POLE: variants seen among roughly 807,000 people sequenced by gnomAD.
POLE encodes DNA polymerase epsilon catalytic subunit A.
In POLE, 188 loss-of-function variants were observed where a neutral mutation model predicts 279.2. The observed-to-expected ratio is 0.67, with a 90% CI of 0.60 to 0.76. The LOEUF (loss-of-function observed/expected upper bound fraction) is 0.76. Among genes scored for constraint, POLE ranks in the 30% least tolerant of loss-of-function variants. The probability of loss-of-function intolerance (pLI) is 0.00; values close to 1 mark genes in which losing one functional copy is unlikely to be tolerated. For synonymous variants in POLE, 1,214 were observed against 1,172.5 expected (o/e 1.04, Z -0.72); for missense variants, 2,703 against 3,016.7 (o/e 0.90, Z 2.44).
Position 132,643,391 on chromosome 12 carries a change from C to A in POLE, c.4444+16G>T. On this transcript the variant is annotated intron_variant, in intron 34 of 48. Coordinates refer to ENST00000320574, the MANE Select transcript of POLE (RefSeq NM_006231.4). ...TGGGAGGCAGGCACATGATGGGCGG[C>A]TGGTGCAGGCCATACCTGGTTCCAG... 3 of 1,614,212 alleles carry A rather than the reference C, an allele frequency of 1.9e-6. No homozygotes were observed. The highest frequency in any genetic ancestry group is 2.5e-6 in the Non-Finnish European group (3 of 1,180,032).
intron 1 of POLE, among the ~76,000 whole-genome samples, chr12:132,682,030 C>A (rs1052766243): frequency 2.4e-4 from 36 of 152,136 alleles, no homozygotes; most frequent in African/African-American, 8.7e-4. Context: ...ACTAAAAATA[C>A]AAAAAATTAA....
intron 8 of POLE, 49 bp from the exon 9 acceptor site, chr12:132,676,702 G>A (rs1246159006): frequency 7.5e-6 from 9 of 1,198,244 alleles, no homozygotes; most frequent in Non-Finnish European, 1.1e-5. Flanking sequence ...TCCCCATTAG[G>A]CCTCCCTGAA....
At chr12:132,658,666 TAAGGAGACCTA>T (rs955898439) in intron 26 of POLE, 5 of 154,174 alleles carry the variant, frequency 3.2e-5, no homozygotes, top group African/African-American at 1.2e-4. Context: ...ACTGCAAACA[TAAGGAGACCTA>T]AAGAAGACAC....
At position 132,679,598 on chromosome 12, in the gene POLE, A is replaced by G. The variant is rs377652373; in HGVS notation, c.477T>C (p.Thr159=). ...TCCTCACTTTGACAAGATCCTCCAC[A>G]GTGTGGAAGGACAGCCTGATGTAAT... ...KRNYIRLSFH[T]VEDLVKVRKE... Residue 159 remains threonine, a synonymous_variant, in exon 6 of 49, where the codon ACT becomes ACC. Transcript: ENST00000320574. 3.1e-6 allele frequency: 5 copies of G among 1,614,022 alleles called. No individual in the cohort carries two copies. In the African/African-American group the frequency reaches 5.3e-5, roughly 17 times the overall value.
In POLE at chr12:132,632,714, C is replaced by A; in HGVS notation, c.6086G>T (p.Gly2029Val). The change falls in exon 44 of 49, where the codon GGG (glycine) becomes GTG (valine). Residue 2029 changes from glycine to valine, a missense_variant. By Grantham distance (109) the Gly-to-Val change is moderately radical. This residue lies in a region of POLE where 1,551 missense variants were observed against 1,686.1 expected (regional missense o/e 0.92). Transcript: ENST00000320574. ...GGCCTCCTGGGAGAGCTGGCTGGCC[C>A]CCCTCCTCCTCACGGGGGTGCTCCC... ...APGSTPVRRR[G>V]ASQLSQEAEG... The A allele has an allele frequency of 6.2e-7, 1 of 1,613,906 alleles. No homozygotes were observed. The highest frequency in any genetic ancestry group is 8.5e-7 in the Non-Finnish European group (1 of 1,179,986).
At chr12:132,681,636 G>A (rs180827854) in intron 1 of POLE, among the ~76,000 whole-genome samples, 2 of 152,184 alleles carry the variant, frequency 1.3e-5, no homozygotes, top group East Asian at 1.9e-4. Flanking sequence ...TAAGTGTTTC[G>A]GATATGACAG....
chr12:132,683,453 G>C (rs1367735185), intron 1 of POLE, among the ~76,000 whole-genome samples: 1 of 152,160 alleles, frequency 6.6e-6, no homozygotes, highest in African/African-American at 2.4e-5. Flanking sequence ...TACGACTTCT[G>C]ACTTCTAAAA....
intron 45 of POLE, among the ~76,000 whole-genome samples, chr12:132,627,040 G>A (rs541690033): frequency 6.6e-6 from 1 of 152,210 alleles, no homozygotes; most frequent in Non-Finnish European, 1.5e-5. Context: ...CAGCACTTTG[G>A]TAGGCCAAGG....
chr12:132,649,239 C>T, intron 31 of POLE, 67 bp downstream of exon 31: 1 of 1,561,818 alleles, frequency 6.4e-7, no homozygotes, highest in Admixed American at 1.7e-5. Flanking sequence ...CCTCAGGGCC[C>T]AGCTGGACAC....
At chr12:132,627,239 A>G (rs570237269) in intron 45 of POLE, among the ~76,000 whole-genome samples, 129 of 151,820 alleles carry the variant, frequency 8.5e-4, no homozygotes, top group Non-Finnish European at 1.8e-3. Context: ...CCAAGATTGC[A>G]CCACTGCACT....
rs1057519257 is a variant in POLE at position 132,638,134 on chromosome 12, A to G, written c.5558T>C (p.Ile1853Thr). 6.2e-7 allele frequency: 1 copy of G among 1,613,762 alleles called. No individual in the cohort carries two copies. Among genetic ancestry groups the G allele is most frequent in the Non-Finnish European group, 8.5e-7 (1 of 1,179,852 alleles). ...NMMKKLFLQL[I>T]AEFKRLGSSV... is the part of the protein sequence containing the mutation. ...TGACCCCAGGCGCTTGAACTCAGCG[A>G]TGAGCCTGTGGAGCAAGTTGAGAGT... Residue 1853 changes from isoleucine to threonine, a missense_variant, in exon 41 of 49, where the codon ATC becomes ACC. Physicochemically the swap from Ile to Thr is moderately conservative, Grantham distance 89 (BLOSUM62 -1). Transcript: ENST00000320574.
intron 29 of POLE, among the ~76,000 whole-genome samples, chr12:132,653,620 C>T (rs780028240): frequency 2.8e-4 from 42 of 152,192 alleles, no homozygotes; most frequent in Non-Finnish European, 4.9e-4. Context: ...ATTACATCGC[C>T]TGTAAATAAT....
intron 39 of POLE, among the ~76,000 whole-genome samples, chr12:132,640,486 C>T (rs892184745): frequency 2.0e-5 from 3 of 152,252 alleles, no homozygotes; most frequent in African/African-American, 7.2e-5. Context: ...ACAAGTTTCC[C>T]GTTCCGGGGG....
At chr12:132,673,784 G>A in intron 12 of POLE, 77 bp from the exon 13 acceptor site, 1 of 1,560,284 alleles carries the variant, frequency 6.4e-7, no homozygotes, top group Non-Finnish European at 8.7e-7. Context: ...GGCAAAACTG[G>A]GCACCACACA....
chr12:132,634,082 G>T lies in POLE; in HGVS notation c.6004+104C>A. 9.1e-7 allele frequency: 1 copy of T among 1,092,944 alleles called. No individual in the cohort carries two copies. The highest frequency in any genetic ancestry group is 1.3e-6 in the Non-Finnish European group (1 of 748,834). 67.7% of individuals were successfully genotyped at this position (1,092,944 alleles called of 1,614,324 possible). A position where few individuals can be genotyped will look rare whatever the true frequency, so the allele number is the denominator to read the frequency against. On this transcript the variant is annotated intron_variant, in intron 43 of 48. Transcript: ENST00000320574. The surrounding 1 kb of genome is among the most constrained non-coding windows in gnomAD (Gnocchi z 4.0). ...CTGCTGGGCAGGCTCCGCCCGATCT[G>T]ATTTTCCCTGTCTCCCTTCTTGCGA... is the stretch of plus-strand genomic sequence containing the variant.
chr12:132,672,426 G>A (rs1309907066), intron 15 of POLE, 104 bp from the exon 16 acceptor site: 3 of 1,143,510 alleles, frequency 2.6e-6, no homozygotes, highest in Admixed American at 3.5e-5. Context: ...GCCCGAGAAA[G>A]CTCCGGAAGG....
intron 23 of POLE, among the ~76,000 whole-genome samples, chr12:132,662,078 C>G (rs2042694341): frequency 6.6e-6 from 1 of 152,192 alleles, no homozygotes; most frequent in African/African-American, 2.4e-5. Context: ...CTTGTCCAAA[C>G]CCACAGGGCT....
In POLE at chr12:132,624,653, G is replaced by A. The variant is rs113095243; in HGVS notation, c.*44C>T. On this transcript the variant is annotated 3_prime_UTR_variant, in exon 49 of 49. Transcript: ENST00000320574. ...GCACGGGGATGTGGCCTTGGCATCA[G>A]GAGGCCTGGCACGGACGCAGAGGCA... 9 of 1,104,030 alleles carry A rather than the reference G, an allele frequency of 8.2e-6. No individual in the cohort carries two copies. Among genetic ancestry groups the A allele is most frequent in the Non-Finnish European group, 1.3e-5 (9 of 715,830 alleles). The allele number at this position is 1,104,030 out of a possible 1,614,324, so 68.4% of individuals were successfully genotyped here. A position where few individuals can be genotyped will look rare whatever the true frequency, so the allele number is the denominator to read the frequency against.
chr12:132,643,252 C>G lies in POLE; in HGVS notation c.4523G>C (p.Arg1508Pro). The G allele has an allele frequency of 6.2e-7, 1 of 1,613,786 alleles. No homozygotes were observed. The highest frequency in any genetic ancestry group is 8.5e-7 in the Non-Finnish European group (1 of 1,180,008). ...ALFGIFIPSQ[R>P]RASVFVLDTV... ...GTCCAGCACAAAGACGGATGCCCTG[C>G]GCTGTGAGGGGATGAAGATCCCGAA... is the stretch of plus-strand genomic sequence containing the variant. The change falls in exon 35 of 49, where the codon CGC (arginine) becomes CCC (proline). Residue 1508 changes from arginine (R) to proline (P), a missense_variant. By Grantham distance (103) the Arg-to-Pro change is moderately radical. This residue lies in a region of POLE where 1,551 missense variants were observed against 1,686.1 expected (regional missense o/e 0.92). Transcript: ENST00000320574.
Sources: gnomAD v4.1 joint callset for allele counts (sites outside exome capture counted in the v4.1 genomes callset) on GRCh38, gnomAD v4.1.1 for gene constraint, gnomAD v4.1.1 regional missense constraint, Gnocchi (gnomAD v3.1) non-coding constraint, MANE v1.5 for transcripts, NCBI Gene and HGNC (gene_info 2026-07-23, HGNC 2026-07-21) for gene names.